The following GABRB1 variants were observed in gnomAD, a reference collection of about 807,000 sequenced individuals.
GABRB1 encodes the protein gamma-aminobutyric acid receptor subunit beta-1.
GABRB1 carries 17 observed loss-of-function variants against 51.6 expected under a neutral mutation model. The ratio of observed to expected loss-of-function variants is 0.33; its 90% CI spans 0.23 to 0.49. GABRB1 has a LOEUF of 0.49. GABRB1 is among the 20% of genes least tolerant of loss of function. The pLI, the probability that GABRB1 is intolerant of heterozygous loss-of-function variation, is 0.99. For missense variants in GABRB1, 410 were observed against 600.6 expected (o/e 0.68, Z 3.32); for synonymous variants, 247 against 218.9 (o/e 1.13, Z -1.14).
chr4:47,390,972 T>TA (rs992524680), intron 5 of GABRB1, among the ~76,000 whole-genome samples: 1 of 151,982 alleles, frequency 6.6e-6, no homozygotes, highest in African/African-American at 2.4e-5. Flanking sequence ...GGTCAAGAGT[T>TA]AGAGACCAGC....
intron 1 of GABRB1, among the ~76,000 whole-genome samples, chr4:47,000,847 C>T (rs569499185): frequency 6.6e-6 from 1 of 152,244 alleles, no homozygotes; most frequent in South Asian, 2.1e-4. Context: ...TTCTTATGAC[C>T]AAACCTTGAA....
In GABRB1 at chr4:47,383,924, C is replaced by T. The variant is rs531895462; in HGVS notation, c.545-19394C>T. On this transcript the variant is annotated intron_variant, in intron 5 of 8. Coordinates refer to ENST00000295454, the MANE Select transcript of GABRB1 (RefSeq NM_000812.4). ...TAAAACCTTGTGAGAATCAGTGATC[C>T]AAAACTAAAATCATCATGAAAACCT... 4.6e-5 allele frequency among the ~76,000 whole-genome samples: 7 copies of T among 152,076 alleles called. No individual in the cohort carries two copies. The South Asian group carries it at 1.2e-3, about 27-fold the overall frequency.
At chr4:47,346,910 G>A (rs1578111025) in intron 5 of GABRB1, among the ~76,000 whole-genome samples, 1 of 152,334 alleles carries the variant, frequency 6.6e-6, no homozygotes, top group East Asian at 1.9e-4. Context: ...AGGGAAGCTG[G>A]ACTGGAGGAT....
intron 4 of GABRB1, among the ~76,000 whole-genome samples, chr4:47,310,241 C>T (rs188455159): frequency 1.2e-4 from 19 of 152,190 alleles, no homozygotes; most frequent in African/African-American, 4.3e-4. Context: ...ATAAGCACAC[C>T]TTACCTATTT....
chr4:47,088,671 C>T (rs528284197), intron 3 of GABRB1, among the ~76,000 whole-genome samples: 3 of 152,250 alleles, frequency 2.0e-5, no homozygotes, highest in Non-Finnish European at 2.9e-5. Context: ...ACAAGGGCTC[C>T]GAAGCAGGGA....
At chr4:47,367,051 G>A (rs184083549) in intron 5 of GABRB1, among the ~76,000 whole-genome samples, 2 of 152,194 alleles carry the variant, frequency 1.3e-5, no homozygotes, top group Admixed American at 1.3e-4. Flanking sequence ...ACCACCATAT[G>A]CATTCTGACT....
intron 5 of GABRB1, among the ~76,000 whole-genome samples, chr4:47,356,825 T>A (rs1315833444): frequency 6.6e-6 from 1 of 152,186 alleles, no homozygotes; most frequent in East Asian, 1.9e-4. Flanking sequence ...AATCAGATTT[T>A]AAAAATATTA....
At chr4:47,345,221 A>G (rs1726046789) in intron 5 of GABRB1, among the ~76,000 whole-genome samples, 1 of 152,190 alleles carries the variant, frequency 6.6e-6, no homozygotes, top group Admixed American at 6.5e-5. Flanking sequence ...AATCCATTCA[A>G]CAAGTACTTA....
At chr4:47,350,021 C>T (rs1726249452) in intron 5 of GABRB1, among the ~76,000 whole-genome samples, 1 of 151,682 alleles carries the variant, frequency 6.6e-6, no homozygotes, top group African/African-American at 2.4e-5. Context: ...AGAGAGAATA[C>T]AATAATCTAT....
In GABRB1 at chr4:47,157,051, C is replaced by T. The variant is rs545779733; in HGVS notation, c.241-4198C>T. Among the ~76,000 whole-genome samples the T allele has an allele frequency of 2.0e-5, 3 of 152,130 alleles. 1 individual carries two copies. The South Asian group carries it at 6.2e-4, about 32-fold the overall frequency. ...TTTGGTATTGTCTATCTTGCCTTTC[C>T]TCAATGAGTCAAATTCTGTCATGCC... On this transcript the variant is annotated intron_variant, in intron 3 of 8. Transcript: ENST00000295454.
intron 3 of GABRB1, among the ~76,000 whole-genome samples, chr4:47,146,384 C>T (rs951033250): frequency 6.6e-6 from 1 of 151,798 alleles, no homozygotes; most frequent in African/African-American, 2.4e-5. Context: ...GAGAAAATTT[C>T]AGGCTTAAGT....
chr4:47,053,120 C>G (rs187638505), intron 3 of GABRB1, among the ~76,000 whole-genome samples: 2 of 152,238 alleles, frequency 1.3e-5, no homozygotes, highest in African/African-American at 4.8e-5. Flanking sequence ...GAAGCTGAAT[C>G]AAGATGTCAT....
Position 47,111,752 on chromosome 4 carries a change from C to T in GABRB1, c.241-49497C>T, listed in dbSNP as rs533727916. On this transcript the variant is annotated intron_variant, in intron 3 of 8. Transcript: ENST00000295454. ...GGGTGGCACATACCTGTAGACCCAA[C>T]TACTTGGGAGGCTGAGGTGGGAGGA... 2.0e-5 allele frequency among the ~76,000 whole-genome samples: 3 copies of T among 152,030 alleles called. No homozygotes were observed. The South Asian group carries it at 6.2e-4, about 32-fold the overall frequency.
intron 3 of GABRB1, among the ~76,000 whole-genome samples, chr4:47,046,804 A>G (rs1726110071): frequency 2.0e-5 from 3 of 152,330 alleles, no homozygotes; most frequent in African/African-American, 7.2e-5. Context: ...ATGGAATACT[A>G]TGCAGCCTTA....
At chr4:47,263,042 G>A (rs1440808255) in intron 4 of GABRB1, among the ~76,000 whole-genome samples, 1 of 111,272 alleles carries the variant, frequency 9.0e-6, no homozygotes, top group Non-Finnish European at 1.7e-5. Context: ...GGGGACTGTT[G>A]TGGGGTGGGG....
chr4:47,322,060 A>G (rs932981152), intron 5 of GABRB1, among the ~76,000 whole-genome samples: 11 of 152,216 alleles, frequency 7.2e-5, no homozygotes, highest in Admixed American at 2.0e-4. Context: ...CTTTAAGTCC[A>G]TTTAATATAA....
intron 4 of GABRB1, among the ~76,000 whole-genome samples, chr4:47,251,411 G>C (rs1026198338): frequency 3.3e-5 from 5 of 152,158 alleles, no homozygotes; most frequent in Non-Finnish European, 7.3e-5. Flanking sequence ...CTCTATTTTT[G>C]TGCTGGTTGG....
At chr4:47,284,015 G>C (rs1366735077) in intron 4 of GABRB1, among the ~76,000 whole-genome samples, 1 of 150,558 alleles carries the variant, frequency 6.6e-6, no homozygotes, top group Non-Finnish European at 1.5e-5. Context: ...GGAGAATGGC[G>C]TGAACCCGGG....
intron 3 of GABRB1, among the ~76,000 whole-genome samples, chr4:47,053,264 G>A (rs1402363055): frequency 2.0e-5 from 3 of 152,096 alleles, no homozygotes; most frequent in Non-Finnish European, 2.9e-5. Flanking sequence ...TAGGCTCTGT[G>A]GCTATAAACA....
Sources: allele counts gnomAD v4.1 joint callset (sites outside exome capture counted in the v4.1 genomes callset), GRCh38; gene constraint gnomAD v4.1.1; transcripts MANE v1.5; gene names NCBI Gene and HGNC (gene_info 2026-07-23, HGNC 2026-07-21).